Variants in ITGA1 observed in about 807,000 individuals in gnomAD.
ITGA1 encodes the protein integrin alpha-1.
A neutral mutation model predicts 145.9 loss-of-function variants in ITGA1; 85 were observed. The ratio of observed to expected loss-of-function variants is 0.58; its 90% CI spans 0.49 to 0.70. ITGA1 has a LOEUF of 0.70. Ranked by LOEUF, ITGA1 falls within the 30% of genes least tolerant of loss-of-function variation. The probability of loss-of-function intolerance (pLI) is 0.00; values close to 1 mark genes in which losing one functional copy is unlikely to be tolerated. For missense variants in ITGA1, 1,351 were observed against 1,418.7 expected (o/e 0.95, Z 0.77); for synonymous variants, 520 against 495.3 (o/e 1.05, Z -0.66).
chr5:52,849,516 A>G (rs771386570), intron 2 of ITGA1, 31 bp downstream of exon 2: 2 of 1,543,848 alleles, frequency 1.3e-6, no homozygotes, highest in African/African-American at 1.4e-5. Context: ...GTTGTTATTT[A>G]CTTATTTCAC....
intron 1 of ITGA1, among the ~76,000 whole-genome samples, chr5:52,821,222 G>A (rs1748873954): frequency 1.3e-5 from 2 of 152,152 alleles, no homozygotes; most frequent in East Asian, 3.8e-4. Context: ...AAGGATGACT[G>A]TGACGGCCTT....
intron 2 of ITGA1, among the ~76,000 whole-genome samples, chr5:52,849,777 C>A (rs1335075551): frequency 6.6e-6 from 1 of 152,050 alleles, no homozygotes; most frequent in East Asian, 1.9e-4. Context: ...GGCAAGAATT[C>A]TTTAATTGTT....
At chr5:52,847,843 C>G (rs1283362439) in intron 1 of ITGA1, among the ~76,000 whole-genome samples, 1 of 152,180 alleles carries the variant, frequency 6.6e-6, no homozygotes, top group East Asian at 1.9e-4. Context: ...GCCATCATGG[C>G]CCCCTGGAAA....
At chr5:52,849,933 T>G (rs1458026895) in intron 2 of ITGA1, among the ~76,000 whole-genome samples, 1 of 152,140 alleles carries the variant, frequency 6.6e-6, no homozygotes. Flanking sequence ...ATGTTTATAA[T>G]GAACTTTATT....
intron 8 of ITGA1, among the ~76,000 whole-genome samples, chr5:52,889,350 C>T (rs1750107239): frequency 2.0e-5 from 3 of 152,184 alleles, no homozygotes; most frequent in African/African-American, 4.8e-5. Context: ...GATCCACCTG[C>T]CTTGACCTCC....
At chr5:52,872,712 G>C (rs1263813554) in intron 6 of ITGA1, among the ~76,000 whole-genome samples, 2 of 151,542 alleles carry the variant, frequency 1.3e-5, no homozygotes, top group African/African-American at 4.9e-5. Flanking sequence ...CCATTCCTGG[G>C]CCCTTGCCTT....
intron 1 of ITGA1, chr5:52,799,786 G>A (rs561272921): frequency 6.4e-6 from 1 of 155,080 alleles, no homozygotes; most frequent in East Asian, 1.9e-4. Flanking sequence ...TTACTGCTAA[G>A]CTTTGAAATT....
chr5:52,927,731 T>C (rs1449595807), intron 20 of ITGA1, 67 bp downstream of exon 20: 106 of 1,018,812 alleles, frequency 1.0e-4, no homozygotes, highest in Non-Finnish European at 1.5e-5. Context: ...AAGACAAATA[T>C]ATAAATCCTT....
chr5:52,856,271 C>A (rs923517182), intron 2 of ITGA1, among the ~76,000 whole-genome samples: 4 of 152,288 alleles, frequency 2.6e-5, no homozygotes, highest in African/African-American at 9.6e-5. Flanking sequence ...CTATCCATAT[C>A]TCCCTTTCCT....
chr5:52,866,175 TG>T (rs950578850), intron 6 of ITGA1, among the ~76,000 whole-genome samples: 36 of 152,070 alleles, frequency 2.4e-4, no homozygotes, highest in African/African-American at 8.7e-4. Context: ...CCATCACACC[TG>T]GCTAATTTTT....
intron 1 of ITGA1, among the ~76,000 whole-genome samples, chr5:52,810,457 A>G (rs1050304105): frequency 2.0e-5 from 3 of 152,268 alleles, no homozygotes; most frequent in Non-Finnish European, 2.9e-5. Flanking sequence ...CTAAATGGCC[A>G]ACATGGATTG....
chr5:52,919,993 C>T (rs888483270), intron 16 of ITGA1, among the ~76,000 whole-genome samples: 2 of 152,028 alleles, frequency 1.3e-5, no homozygotes, highest in Non-Finnish European at 2.9e-5. Context: ...CATTTCTAAA[C>T]TTAAAAAGAA....
At position 52,866,117 on chromosome 5, in the gene ITGA1, C is replaced by A. The variant is rs576575569; in HGVS notation, c.624+300C>A. 2.0e-5 allele frequency among the ~76,000 whole-genome samples: 3 copies of A among 152,212 alleles called. No individual in the cohort carries two copies. The East Asian group carries it at 5.8e-4, about 29-fold the overall frequency. ...GCAACCTTCACCTCCCAGGCTCAAG[C>A]AATTCATATTTCTCAGCCTCTCCAG... On this transcript the variant is annotated intron_variant, in intron 6 of 28. Transcript: ENST00000282588.
rs757864549 is a variant in ITGA1 at position 52,861,541 on chromosome 5, G to A, written c.277G>A (p.Val93Ile). The A allele has an allele frequency of 1.9e-5, 30 of 1,608,130 alleles. No homozygotes were observed. Among genetic ancestry groups the A allele is most frequent in the East Asian group, 4.5e-5 (2 of 44,848 alleles). ...PVGRGESLPC[V>I]KLDLPVNTSI... ...TGGGAGAGGTGAATCATTACCTTGTGTAAAGTTGGATCTACCAGGTATGTA... is the reference window on the plus strand; with the variant it reads ...TGGGAGAGGTGAATCATTACCTTGTATAAAGTTGGATCTACCAGGTATGTA... Residue 93 changes from valine to isoleucine, a missense_variant, in exon 3 of 29, where the codon GTA becomes ATA. By Grantham distance (29) the Val-to-Ile change is conservative. Transcript: ENST00000282588.
At chr5:52,907,620 C>T (rs944100499) in intron 12 of ITGA1, among the ~76,000 whole-genome samples, 1 of 152,156 alleles carries the variant, frequency 6.6e-6, no homozygotes, top group Non-Finnish European at 1.5e-5. Flanking sequence ...TGACGTTTGG[C>T]TTTTAGACAT....
chr5:52,942,105 T>A, intron 26 of ITGA1, among the ~76,000 whole-genome samples: 1 of 152,174 alleles, frequency 6.6e-6, no homozygotes, highest in African/African-American at 2.4e-5. Context: ...GCTTTATTTC[T>A]GAATTCTCTA....
chr5:52,823,861 A>G (rs1170888123), intron 1 of ITGA1, among the ~76,000 whole-genome samples: 2 of 152,198 alleles, frequency 1.3e-5, no homozygotes, highest in Non-Finnish European at 2.9e-5. Context: ...AACAGAATTG[A>G]CTTTTGTATG....
At chr5:52,877,467 C>A (rs935083288) in intron 6 of ITGA1, among the ~76,000 whole-genome samples, 3 of 152,104 alleles carry the variant, frequency 2.0e-5, no homozygotes, top group African/African-American at 7.2e-5. Context: ...CATAAACACG[C>A]CCACCAGGGT....
At chr5:52,882,717 G>A (rs2111806130) in intron 7 of ITGA1, among the ~76,000 whole-genome samples, 1 of 152,206 alleles carries the variant, frequency 6.6e-6, no homozygotes, top group South Asian at 2.1e-4. Flanking sequence ...TACAAATGTA[G>A]AACACTTTAT....
Sources: allele counts gnomAD v4.1 joint callset (sites outside exome capture counted in the v4.1 genomes callset), GRCh38; gene constraint gnomAD v4.1.1; transcripts MANE v1.5; gene names NCBI Gene and HGNC (gene_info 2026-07-23, HGNC 2026-07-21).